The following SLCO1B1 variants were observed in gnomAD, a reference collection of about 807,000 sequenced individuals.
The protein encoded by SLCO1B1 is solute carrier organic anion transporter family member 1B1.
In SLCO1B1, 81 loss-of-function variants were observed where a neutral mutation model predicts 70.1. That is an observed-to-expected ratio of 1.16 (90% CI 0.97 to 1.39). The LOEUF (loss-of-function observed/expected upper bound fraction) is 1.39, where lower values mean the gene tolerates loss of function less well. Ranked by LOEUF, SLCO1B1 falls within the 40% of genes most tolerant of loss-of-function variation. The probability of loss-of-function intolerance (pLI) is 0.00; values close to 1 mark genes in which losing one functional copy is unlikely to be tolerated. For missense variants in SLCO1B1, 895 were observed against 799.6 expected (o/e 1.12, Z -1.44); for synonymous variants, 283 against 271.5 (o/e 1.04, Z -0.42).
intron 14 of SLCO1B1, among the ~76,000 whole-genome samples, chr12:21,238,006 C>A (rs906484534): frequency 6.6e-5 from 10 of 152,132 alleles, no homozygotes; most frequent in Middle Eastern, 3.2e-3. Context: ...ATCCACTGCA[C>A]CTGGCCAGTA....
chr12:21,132,289 T>C (rs1428936542), intron 1 of SLCO1B1, among the ~76,000 whole-genome samples: 1 of 152,220 alleles, frequency 6.6e-6, no homozygotes, highest in East Asian at 1.9e-4. Context: ...AGTGCCGCTA[T>C]AAACATACGT....
chr12:21,133,981 G>C (rs546588261), intron 1 of SLCO1B1, among the ~76,000 whole-genome samples: 1 of 152,128 alleles, frequency 6.6e-6, no homozygotes, highest in Non-Finnish European at 1.5e-5. Context: ...GTCATAGATA[G>C]CTCTTATTAT....
intron 8 of SLCO1B1, among the ~76,000 whole-genome samples, chr12:21,198,045 A>C (rs916029868): frequency 2.0e-5 from 3 of 152,136 alleles, no homozygotes; most frequent in Admixed American, 6.6e-5. Flanking sequence ...GCAACACTTA[A>C]ACCCTCAGCA....
intron 14 of SLCO1B1, among the ~76,000 whole-genome samples, chr12:21,235,386 A>G (rs1351207554): frequency 4.7e-5 from 7 of 150,482 alleles, no homozygotes; most frequent in Middle Eastern, 3.4e-3. Flanking sequence ...TTTGCTTTCC[A>G]TTTGAAAGAT....
Position 21,153,909 on chromosome 12 carries a change from C to T in SLCO1B1, c.84+12251C>T, listed in dbSNP as rs903972368. Among the ~76,000 whole-genome samples, 15 of 151,958 alleles carry T rather than the reference C, an allele frequency of 9.9e-5. No individual in the cohort carries two copies. In the East Asian group the frequency reaches 1.5e-3, roughly 16 times the overall value. Reference sequence around the variant, plus strand: ...ATATTTTCTTATCATTTTACTATCACGAAGAATTTCTTCGTGATTTAGGAA... The same window carrying T: ...ATATTTTCTTATCATTTTACTATCATGAAGAATTTCTTCGTGATTTAGGAA... On this transcript the variant is annotated intron_variant, in intron 2 of 14. Transcript: ENST00000256958.
At chr12:21,216,042 C>T (rs940064634) in intron 11 of SLCO1B1, among the ~76,000 whole-genome samples, 2 of 152,104 alleles carry the variant, frequency 1.3e-5, no homozygotes, top group Non-Finnish European at 2.9e-5. Context: ...AATATTAGAA[C>T]CCTAAAAAGA....
rs869209935 is a variant in SLCO1B1 at position 21,222,427 on chromosome 12, T to TAC, written c.1747+73_1747+74dup. The TAC allele has an allele frequency of 7.5e-3, 756 of 100,920 alleles. 15 individuals carry two copies. The highest frequency in any genetic ancestry group is 0.038 in the African/African-American group (683 of 17,908). The allele number at this position is 100,920 out of a possible 1,614,324, so 6.3% of individuals were successfully genotyped here. On this transcript the variant is annotated intron_variant, in intron 13 of 14. Coordinates refer to ENST00000256958, the MANE Select transcript of SLCO1B1 (RefSeq NM_006446.5). ...ATATATATATATATATATATATATA[T>TAC]ACACACACACATACATATATTAAAT...
intron 8 of SLCO1B1, among the ~76,000 whole-genome samples, chr12:21,197,613 G>A (rs12310216): frequency 0.01 from 1,538 of 152,150 alleles, 36 homozygotes; most frequent in South Asian, 0.039. Flanking sequence ...AGTGGGTGAT[G>A]CTGAGAAATA....
At chr12:21,217,597 A>G (rs1477388955) in intron 12 of SLCO1B1, among the ~76,000 whole-genome samples, 1 of 152,138 alleles carries the variant, frequency 6.6e-6, no homozygotes, top group Non-Finnish European at 1.5e-5. Context: ...AGGATCCTAA[A>G]AGAACTTGTT....
intron 7 of SLCO1B1, among the ~76,000 whole-genome samples, chr12:21,181,474 AT>A (rs1389494398): frequency 3.9e-5 from 6 of 152,166 alleles, no homozygotes; most frequent in Non-Finnish European, 8.8e-5. Flanking sequence ...TATAAATCAA[AT>A]TTAAACCCAG....
chr12:21,213,787 C>T (rs1348731938), intron 11 of SLCO1B1, among the ~76,000 whole-genome samples: 3 of 149,340 alleles, frequency 2.0e-5, no homozygotes, highest in Non-Finnish European at 4.5e-5. Flanking sequence ...TTTCTCTAAA[C>T]TTCCCTTCTC....
intron 14 of SLCO1B1, among the ~76,000 whole-genome samples, chr12:21,225,279 G>T (rs967234765): frequency 2.0e-5 from 3 of 152,118 alleles, no homozygotes; most frequent in African/African-American, 7.2e-5. Context: ...GACTAGCTGG[G>T]GCTCTGGTCA....
At chr12:21,131,644 G>A (rs980921636) in intron 1 of SLCO1B1, among the ~76,000 whole-genome samples, 1 of 151,852 alleles carries the variant, frequency 6.6e-6, no homozygotes, top group Non-Finnish European at 1.5e-5. Flanking sequence ...CTGGATGAAG[G>A]CAGCCAAGGG....
At chr12:21,215,956 T>G (rs1941353152) in intron 11 of SLCO1B1, among the ~76,000 whole-genome samples, 1 of 152,064 alleles carries the variant, frequency 6.6e-6, no homozygotes, top group Non-Finnish European at 1.5e-5. Context: ...ATGGTTCATT[T>G]TGGATGGTTG....
At chr12:21,169,397 T>A (rs1011456917) in intron 2 of SLCO1B1, among the ~76,000 whole-genome samples, 8 of 152,174 alleles carry the variant, frequency 5.3e-5, no homozygotes, top group African/African-American at 1.9e-4. Flanking sequence ...TGGAGTCCCA[T>A]AATTTCTTTA....
At chr12:21,208,439 AGGTGT>A (rs1941239243) in intron 11 of SLCO1B1, among the ~76,000 whole-genome samples, 1 of 151,998 alleles carries the variant, frequency 6.6e-6, no homozygotes, top group Non-Finnish European at 1.5e-5. Flanking sequence ...AGATGGTTTT[AGGTGT>A]GTGGCTTTGC....
At chr12:21,205,723 C>T (rs565001792) in intron 10 of SLCO1B1, 145 bp from the exon 11 acceptor site, 28 of 614,418 alleles carry the variant, frequency 4.6e-5, no homozygotes, top group East Asian at 2.3e-4. Context: ...ATCATCAAAG[C>T]AAATTTCTTC....
At chr12:21,222,013 A>G (rs573909095) in intron 12 of SLCO1B1, among the ~76,000 whole-genome samples, 47 of 152,258 alleles carry the variant, frequency 3.1e-4, no homozygotes, top group African/African-American at 9.9e-4. Flanking sequence ...GAGGCATAAT[A>G]AAGTCTGTTC....
Position 21,152,533 on chromosome 12 carries a change from CT to C in SLCO1B1, c.84+10893del, listed in dbSNP as rs71043250. Among the ~76,000 whole-genome samples, 53 of 34,350 alleles carry C rather than the reference CT, an allele frequency of 1.5e-3. 2 individuals are homozygous for C. The highest frequency in any genetic ancestry group is 0.031 in the Middle Eastern group (1 of 32). The allele number at this position is 34,350 out of a possible 152,430, so 22.5% of individuals were successfully genotyped here. A position where few individuals can be genotyped will look rare whatever the true frequency, so the allele number is the denominator to read the frequency against. ...TTGCTAAGGTGTGGGAGAGGAGAGGCTTTTTTTTTTTTTTTTTTGCCTCTGG... is the reference window on the plus strand; with the variant it reads ...TTGCTAAGGTGTGGGAGAGGAGAGGCTTTTTTTTTTTTTTTTTGCCTCTGG... On this transcript the variant is annotated intron_variant, in intron 2 of 14. Transcript: ENST00000256958.
Sources: allele counts gnomAD v4.1 joint callset (sites outside exome capture counted in the v4.1 genomes callset), GRCh38; gene constraint gnomAD v4.1.1; transcripts MANE v1.5; gene names NCBI Gene and HGNC (gene_info 2026-07-23, HGNC 2026-07-21).